Variants in SYNE1 observed in about 807,000 individuals in gnomAD.
SYNE1 encodes the protein nesprin-1.
In SYNE1, 616 loss-of-function variants were observed where a neutral mutation model predicts 1,111.0. That is an observed-to-expected ratio of 0.55 (90% CI 0.52 to 0.59). The LOEUF (loss-of-function observed/expected upper bound fraction) is 0.59, where lower values mean the gene tolerates loss of function less well. Among genes scored for constraint, SYNE1 ranks in the 20% least tolerant of loss-of-function variants. The pLI is 0.00. For missense variants in SYNE1, 10,006 were observed against 10,417.0 expected, an observed-to-expected ratio of 0.96 and a Z score of 1.72; for synonymous variants, 3,855 against 3,825.8, an observed-to-expected ratio of 1.01 and a Z score of -0.28.
intron 2 of SYNE1, among the ~76,000 whole-genome samples, chr6:152,629,776 C>T (rs2099694821): frequency 6.6e-6 from 1 of 151,730 alleles, no homozygotes; most frequent in Admixed American, 6.6e-5. Context: ...GATTACAGTT[C>T]CCATTGCATT....
At chr6:152,147,826 G>C (rs536275657) in intron 137 of SYNE1, 2 of 553,380 alleles carry the variant, frequency 3.6e-6, no homozygotes, top group Non-Finnish European at 6.5e-6. Flanking sequence ...CTGGCAAAGC[G>C]CTTGTCACCT....
intron 95 of SYNE1, among the ~76,000 whole-genome samples, chr6:152,291,064 AATATG>A (rs2094576663): frequency 6.8e-6 from 1 of 147,280 alleles, no homozygotes; most frequent in Non-Finnish European, 1.5e-5. Context: ...TAATTATATT[AATATG>A]ATATATTAAT....
intron 25 of SYNE1, among the ~76,000 whole-genome samples, chr6:152,452,207 A>T (rs1003446273): frequency 2.6e-5 from 4 of 152,168 alleles, no homozygotes; most frequent in African/African-American, 9.7e-5. Context: ...ATCCTATGGC[A>T]TTTTAAAGGA....
chr6:152,153,258 A>G (rs1324584093), intron 133 of SYNE1, among the ~76,000 whole-genome samples: 1 of 152,162 alleles, frequency 6.6e-6, no homozygotes, highest in African/African-American at 2.4e-5. Context: ...AGTGGTAAGG[A>G]AAGTTCAGCT....
intron 59 of SYNE1, among the ~76,000 whole-genome samples, chr6:152,370,952 CT>C (rs2097169650): frequency 6.6e-6 from 1 of 152,170 alleles, no homozygotes; most frequent in African/African-American, 2.4e-5. Flanking sequence ...ACCAAAATAA[CT>C]TCTGGAGTAT....
chr6:152,189,029 C>T (rs1248311346), intron 128 of SYNE1, among the ~76,000 whole-genome samples: 15 of 98,788 alleles, frequency 1.5e-4, no homozygotes, highest in African/African-American at 5.2e-4. Context: ...AAAATGCCAG[C>T]CAGCAAAAGT....
intron 58 of SYNE1, among the ~76,000 whole-genome samples, chr6:152,373,921 A>T (rs2097233049): frequency 6.6e-6 from 1 of 152,238 alleles, no homozygotes; most frequent in Non-Finnish European, 1.5e-5. Context: ...GAAGTGAAAG[A>T]GTAAACACAA....
rs369073682 is a variant in SYNE1 at position 152,148,143 on chromosome 6, C to T, written c.24878G>A (p.Arg8293Gln). Residue 8293 changes from arginine (R) to glutamine (Q), a missense_variant, in exon 137 of 146, where the codon CGG (arginine) becomes CAG (glutamine). Around this residue, in one of 7 missense-constraint regions of SYNE1, gnomAD observed 761 missense variants for 795.5 expected, o/e 0.96. Coordinates refer to ENST00000367255, the MANE Select transcript of SYNE1 (RefSeq NM_182961.4). This position sits in a 1 kb window ranked among gnomAD's most constrained non-coding sequence, Gnocchi z 4.1. Reference protein sequence around the residue: ...LEWDHDYDLSRDLESAMSRAL... With the variant: ...LEWDHDYDLSQDLESAMSRAL... ...TCTGGACATTGCAGACTCCAGGTCC[C>T]GACTGAGGTCATAGTCGTGATCCCA... The T allele has an allele frequency of 3.4e-5, 55 of 1,614,060 alleles. No homozygotes were observed. The East Asian group carries it at 4.5e-4, about 13-fold the overall frequency.
chr6:152,381,453 G>T, intron 55 of SYNE1, 91 bp from the exon 56 acceptor site: 1 of 1,335,484 alleles, frequency 7.5e-7, no homozygotes, highest in Non-Finnish European at 1.1e-6. Flanking sequence ...ACCCTGTCCT[G>T]CCAGGAAGTT....
intron 8 of SYNE1, among the ~76,000 whole-genome samples, chr6:152,507,121 C>T (rs1408865207): frequency 2.0e-5 from 3 of 152,102 alleles, no homozygotes; most frequent in African/African-American, 4.8e-5. Flanking sequence ...GACAGTCATG[C>T]AGGTTGAACA....
chr6:152,573,961 G>A (rs2099485081), intron 3 of SYNE1, among the ~76,000 whole-genome samples: 1 of 152,080 alleles, frequency 6.6e-6, no homozygotes, highest in Admixed American at 6.5e-5. Context: ...TTTACGGGCT[G>A]TGGGAGCTGG....
chr6:152,493,984 C>G (rs553713417), intron 11 of SYNE1, among the ~76,000 whole-genome samples: 1 of 152,138 alleles, frequency 6.6e-6, no homozygotes, highest in Non-Finnish European at 1.5e-5. Context: ...TAACTCATCC[C>G]AACCCTTTTC....
At chr6:152,174,929 C>T (rs530112431) in intron 130 of SYNE1, among the ~76,000 whole-genome samples, 54 of 152,364 alleles carry the variant, frequency 3.5e-4, no homozygotes, top group African/African-American at 1.3e-3. Flanking sequence ...TGCGGTGGCT[C>T]ACACCTGTAA....
At chr6:152,445,727 T>C (rs1367046333) in intron 29 of SYNE1, among the ~76,000 whole-genome samples, 5 of 152,064 alleles carry the variant, frequency 3.3e-5, no homozygotes, top group African/African-American at 9.7e-5. Context: ...TCTTTTTTTT[T>C]CTTACACTGG....
rs2096394136 is a variant in SYNE1, at chr6:152,336,557, G to A, written c.12528+284C>T. ...CCCTTGCATGCGCAGTTCACAGTAG[G>A]GTTTGCACTCCTATGAGAATCTGAT... is the stretch of plus-strand genomic sequence containing the variant. On this transcript the variant is annotated intron_variant, in intron 76 of 145. Transcript: ENST00000367255. 1.1e-5 allele frequency: 5 copies of A among 473,342 alleles called. No homozygotes were observed. In the Admixed American group the frequency reaches 1.6e-4, roughly 15 times the overall value. 29.3% of individuals were successfully genotyped at this position (473,342 alleles called of 1,614,324 possible).
chr6:152,133,222 C>T (rs2056277819), intron 143 of SYNE1, 54 bp downstream of exon 143: 2 of 1,513,164 alleles, frequency 1.3e-6, no homozygotes, highest in Non-Finnish European at 1.8e-6. Flanking sequence ...GAAGATGATG[C>T]TTCTTTGGTC....
chr6:152,142,980 C>G (rs917726496), intron 138 of SYNE1, among the ~76,000 whole-genome samples: 1 of 152,116 alleles, frequency 6.6e-6, no homozygotes. Context: ...TCCTTAAGTA[C>G]GCGTAGGAAA....
chr6:152,570,400 C>T (rs151193026), intron 3 of SYNE1, among the ~76,000 whole-genome samples: 1 of 152,312 alleles, frequency 6.6e-6, no homozygotes, highest in African/African-American at 2.4e-5. Context: ...TAGATTCTCT[C>T]CTGTGAACAG....
In SYNE1 at chr6:152,319,026, C is replaced by A. The variant is rs1476173612; in HGVS notation, c.16237-11G>T. 1 of 1,613,712 alleles carries A rather than the reference C, an allele frequency of 6.2e-7. No individual in the cohort carries two copies. Among genetic ancestry groups the A allele is most frequent in the Non-Finnish European group, 8.5e-7 (1 of 1,179,924 alleles). ...TATTTTGTCTTGGATCTAAAAAAAT[C>A]AGTAAGAACAGCAAAACAAGCCATG... On this transcript the variant is annotated splice_polypyrimidine_tract_variant and intron_variant, in intron 84 of 145. Transcript: ENST00000367255.
Sources: allele counts gnomAD v4.1 joint callset (sites outside exome capture counted in the v4.1 genomes callset), GRCh38; gene constraint gnomAD v4.1.1; regional missense constraint gnomAD v4.1.1; non-coding constraint Gnocchi (gnomAD v3.1); transcripts MANE v1.5; gene names NCBI Gene and HGNC (gene_info 2026-07-23, HGNC 2026-07-21).